The following GPD2 variants were observed in gnomAD, a reference collection of about 807,000 sequenced individuals.
The protein encoded by GPD2 is glycerol-3-phosphate dehydrogenase, mitochondrial.
GPD2 carries 54 observed loss-of-function variants against 82.4 expected under a neutral mutation model. The observed-to-expected ratio is 0.66, with a 90% CI of 0.53 to 0.82. The LOEUF (loss-of-function observed/expected upper bound fraction) is 0.82, where lower values mean the gene tolerates loss of function less well. GPD2 is among the 40% of genes least tolerant of loss of function. The probability of loss-of-function intolerance (pLI) is 0.00; values close to 1 mark genes in which losing one functional copy is unlikely to be tolerated. For synonymous variants in GPD2, 288 were observed against 306.1 expected, an observed-to-expected ratio of 0.94 and a Z score of 0.62; for missense variants, 748 against 896.2, an observed-to-expected ratio of 0.83 and a Z score of 2.11.
At chr2:156,497,195 G>A (rs1242274584) in intron 3 of GPD2, among the ~76,000 whole-genome samples, 1 of 152,138 alleles carries the variant, frequency 6.6e-6, no homozygotes, top group East Asian at 1.9e-4. Flanking sequence ...CACTTAATTT[G>A]TCTAAGGTTC....
chr2:156,515,315 G>A (rs1685160194), intron 6 of GPD2, among the ~76,000 whole-genome samples: 1 of 151,658 alleles, frequency 6.6e-6, no homozygotes, highest in South Asian at 2.1e-4. Flanking sequence ...GGTGGCTGCA[G>A]TGAGCTGAGA....
chr2:156,471,992 A>T (rs1683345811), intron 1 of GPD2, among the ~76,000 whole-genome samples: 1 of 152,226 alleles, frequency 6.6e-6, no homozygotes, highest in Non-Finnish European at 1.5e-5. Flanking sequence ...GGTCCTGAGT[A>T]AGCATATATG....
intron 1 of GPD2, among the ~76,000 whole-genome samples, chr2:156,461,354 G>C (rs182396087): frequency 6.6e-6 from 1 of 151,782 alleles, no homozygotes; most frequent in Non-Finnish European, 1.5e-5. Context: ...AAGTTTCATC[G>C]TATCATTGTA....
At chr2:156,560,273 A>G (rs1382989864) in intron 9 of GPD2, among the ~76,000 whole-genome samples, 1 of 146,176 alleles carries the variant, frequency 6.8e-6, no homozygotes, top group Non-Finnish European at 1.5e-5. Flanking sequence ...TGTTCTACCT[A>G]TAAATACATG....
At chr2:156,468,492 G>C (rs1316513651) in intron 1 of GPD2, among the ~76,000 whole-genome samples, 2 of 152,176 alleles carry the variant, frequency 1.3e-5, no homozygotes, top group Non-Finnish European at 2.9e-5. Context: ...TACAGGAGCA[G>C]GTGGCTGCAC....
chr2:156,436,844 A>G (rs1002144758), intron 1 of GPD2, among the ~76,000 whole-genome samples: 2 of 152,184 alleles, frequency 1.3e-5, no homozygotes, highest in Non-Finnish European at 2.9e-5. Context: ...TTCCGAAGCA[A>G]GAGTGAGAAC....
chr2:156,545,103 CAT>C (rs1250945743), intron 6 of GPD2, among the ~76,000 whole-genome samples: 3 of 152,146 alleles, frequency 2.0e-5, no homozygotes, highest in Admixed American at 1.3e-4. Flanking sequence ...TGTGCACACA[CAT>C]GAGCATACAC....
At chr2:156,467,080 G>C (rs1161033941) in intron 1 of GPD2, among the ~76,000 whole-genome samples, 1 of 151,748 alleles carries the variant, frequency 6.6e-6, no homozygotes, top group Non-Finnish European at 1.5e-5. Context: ...ATTTTCTTTC[G>C]CTTTCTCTTT....
At chr2:156,419,750 CTAAG>C in the GPD2 span, among the ~76,000 whole-genome samples, 8 of 152,164 alleles carry the variant, frequency 5.3e-5, no homozygotes, top group Admixed American at 1.3e-4. Context: ...AAATTTTCAC[CTAAG>C]TGTTTTTATA....
chr2:156,537,859 A>G (rs1458043173), intron 6 of GPD2, among the ~76,000 whole-genome samples: 1 of 152,248 alleles, frequency 6.6e-6, no homozygotes, highest in Non-Finnish European at 1.5e-5. Flanking sequence ...TGTTTAGAAT[A>G]TTAGAAAAGT....
At chr2:156,547,691 C>A (rs1232329256) in intron 6 of GPD2, among the ~76,000 whole-genome samples, 1 of 152,176 alleles carries the variant, frequency 6.6e-6, no homozygotes, top group African/African-American at 2.4e-5. Flanking sequence ...AATTAGGGAA[C>A]ATTTGTTAGT....
intron 3 of GPD2, chr2:156,501,960 C>G (rs1279545349): frequency 6.1e-6 from 1 of 163,004 alleles, no homozygotes; most frequent in Non-Finnish European, 1.5e-5. Context: ...AACAGAGAAT[C>G]AGTCATGGAG....
At chr2:156,525,759 A>G (rs1284095780) in intron 6 of GPD2, among the ~76,000 whole-genome samples, 3 of 152,204 alleles carry the variant, frequency 2.0e-5, no homozygotes, top group Non-Finnish European at 4.4e-5. Flanking sequence ...ACAACAGATA[A>G]TTTCATTTTG....
At chr2:156,448,101 A>G (rs1411949293) in intron 1 of GPD2, among the ~76,000 whole-genome samples, 1 of 149,160 alleles carries the variant, frequency 6.7e-6, no homozygotes, top group Admixed American at 6.7e-5. Context: ...ATCACCTAAT[A>G]TGTGTCAGCA....
chr2:156,568,791 A>C, intron 9 of GPD2, 34 bp from the exon 10 acceptor site: 1 of 1,593,310 alleles, frequency 6.3e-7, no homozygotes, highest in Non-Finnish European at 8.6e-7. Flanking sequence ...ATTTTTGAGC[A>C]ATGTTCATAA....
intron 15 of GPD2, among the ~76,000 whole-genome samples, chr2:156,579,398 G>A (rs545119106): frequency 3.2e-4 from 47 of 146,634 alleles, no homozygotes; most frequent in African/African-American, 1.1e-3. Context: ...GCACGATCTC[G>A]GCTCACTGTA....
At chr2:156,425,408 A>G in the GPD2 span, among the ~76,000 whole-genome samples, 2 of 152,186 alleles carry the variant, frequency 1.3e-5, no homozygotes, top group Non-Finnish European at 2.9e-5. Flanking sequence ...CCGTTATTCA[A>G]TTAAAACACA....
intron 1 of GPD2, among the ~76,000 whole-genome samples, chr2:156,453,078 T>C (rs532980808): frequency 3.3e-4 from 51 of 152,300 alleles, no homozygotes; most frequent in Middle Eastern, 3.4e-3. Flanking sequence ...TCAGTGTGGA[T>C]TGCACATTAA....
At chr2:156,462,584 G>A (rs977134540) in intron 1 of GPD2, among the ~76,000 whole-genome samples, 21 of 151,720 alleles carry the variant, frequency 1.4e-4, no homozygotes, top group African/African-American at 4.6e-4. Context: ...TTACAGGCAT[G>A]AGCCACCGCA....
Sources: gnomAD v4.1 joint callset for allele counts (sites outside exome capture counted in the v4.1 genomes callset) on GRCh38, gnomAD v4.1.1 for gene constraint, MANE v1.5 for transcripts, NCBI Gene and HGNC (gene_info 2026-07-23, HGNC 2026-07-21) for gene names.